Variants in EFNA5 observed in about 807,000 individuals in gnomAD.
The protein encoded by EFNA5 is ephrin-A5.
In EFNA5, 5 loss-of-function variants were observed where a neutral mutation model predicts 22.9. The ratio of observed to expected loss-of-function variants is 0.22; its 90% CI spans 0.11 to 0.46. The LOEUF is 0.46. Among genes scored for constraint, EFNA5 ranks in the 20% least tolerant of loss-of-function variants. The pLI is 0.99. For missense variants in EFNA5, 237 were observed against 293.3 expected (o/e 0.81, Z 1.40); for synonymous variants, 113 against 112.2 (o/e 1.01, Z -0.04).
intron 1 of EFNA5, among the ~76,000 whole-genome samples, chr5:107,666,486 T>C (rs1413688056): frequency 6.6e-6 from 1 of 152,138 alleles, no homozygotes; most frequent in African/African-American, 2.4e-5. Context: ...ATATGAAATG[T>C]TTAATATACA....
intron 2 of EFNA5, among the ~76,000 whole-genome samples, chr5:107,414,677 A>G (rs1201390615): frequency 6.6e-6 from 1 of 152,246 alleles, no homozygotes; most frequent in Non-Finnish European, 1.5e-5. Context: ...GAATACAAAT[A>G]TTTCACAAAA....
In EFNA5 at chr5:107,497,411, G is replaced by A. The variant is rs552557629; in HGVS notation, c.126-69902C>T. On this transcript the variant is annotated intron_variant, in intron 1 of 4. Transcript: ENST00000333274. The stretch of plus-strand genomic sequence containing the variant: ...GAGCCTTATATGGAGAAATAATACT[G>A]GAGAAATAATAGTCATGTAAAGATA... 2.1e-4 allele frequency among the ~76,000 whole-genome samples: 32 copies of A among 152,246 alleles called. 1 individual carries two copies. The highest frequency in any genetic ancestry group is 8.8e-5 in the Non-Finnish European group (6 of 68,022).
chr5:107,499,407 A>T (rs1747081777), intron 1 of EFNA5, among the ~76,000 whole-genome samples: 1 of 152,190 alleles, frequency 6.6e-6, no homozygotes, highest in Admixed American at 6.5e-5. Context: ...ATTGCTTATT[A>T]TTCTATGAGT....
intron 4 of EFNA5, among the ~76,000 whole-genome samples, chr5:107,383,728 C>A (rs1387295698): frequency 6.6e-6 from 1 of 152,180 alleles, no homozygotes; most frequent in Non-Finnish European, 1.5e-5. Flanking sequence ...CCCTTCATCA[C>A]CACCCTAGTC....
chr5:107,494,568 G>A (rs1453159308), intron 1 of EFNA5, among the ~76,000 whole-genome samples: 1 of 152,250 alleles, frequency 6.6e-6, no homozygotes, highest in Non-Finnish European at 1.5e-5. Flanking sequence ...CCACCCAAGG[G>A]CTGAGGAGTG....
intron 1 of EFNA5, among the ~76,000 whole-genome samples, chr5:107,569,979 G>GA (rs1172179661): frequency 6.6e-6 from 1 of 151,698 alleles, no homozygotes; most frequent in African/African-American, 2.4e-5. Context: ...CACTGACAGG[G>GA]AAAAAAAAGT....
intron 1 of EFNA5, among the ~76,000 whole-genome samples, chr5:107,432,039 G>C (rs772016381): frequency 5.3e-5 from 8 of 152,182 alleles, no homozygotes; most frequent in Non-Finnish European, 1.0e-4. Flanking sequence ...ACCCTCTTAA[G>C]AGTTGGGTTA....
intron 1 of EFNA5, among the ~76,000 whole-genome samples, chr5:107,482,814 GTCTCTCTCTCTGTC>G (rs1244109680): frequency 1.4e-5 from 1 of 73,228 alleles, no homozygotes; most frequent in South Asian, 5.5e-4. Flanking sequence ...CTCTCTCTCT[GTCTCTCTCTCTGTC>G]TCTGTCTCTC....
chr5:107,664,851 T>C (rs932576005), intron 1 of EFNA5, among the ~76,000 whole-genome samples: 18 of 152,284 alleles, frequency 1.2e-4, no homozygotes, highest in African/African-American at 3.8e-4. Context: ...AAAAGAAAAT[T>C]GATAATATAG....
intron 1 of EFNA5, among the ~76,000 whole-genome samples, chr5:107,615,059 T>C (rs1460644794): frequency 6.6e-6 from 1 of 152,158 alleles, no homozygotes; most frequent in Admixed American, 6.6e-5. Flanking sequence ...GGTTATCTAC[T>C]AGATTTTCAT....
intron 1 of EFNA5, among the ~76,000 whole-genome samples, chr5:107,458,446 G>A (rs1049658669): frequency 1.6e-4 from 24 of 151,858 alleles, no homozygotes; most frequent in African/African-American, 5.1e-4. Context: ...AGGCTTACCC[G>A]AGTCAAAGTT....
At chr5:107,515,936 T>A (rs777353942) in intron 1 of EFNA5, among the ~76,000 whole-genome samples, 18 of 152,194 alleles carry the variant, frequency 1.2e-4, no homozygotes, top group Admixed American at 3.3e-4. Context: ...CATCATCCAT[T>A]TGTTGAATTA....
rs147416538 is a variant in EFNA5, at chr5:107,505,925, A to C, written c.126-78416T>G. Among the ~76,000 whole-genome samples the C allele has an allele frequency of 3.3e-5, 5 of 152,276 alleles. No individual in the cohort carries two copies. In the East Asian group the frequency reaches 9.6e-4, roughly 29 times the overall value. On this transcript the variant is annotated intron_variant, in intron 1 of 4. Transcript: ENST00000333274. ...ATTTGAGAAAACTGAAGCCTAACTG[A>C]AGTAGCTTGCCCAAGGTGATAGAGC...
At chr5:107,479,214 A>G (rs1487575158) in intron 1 of EFNA5, among the ~76,000 whole-genome samples, 1 of 152,212 alleles carries the variant, frequency 6.6e-6, no homozygotes, top group Non-Finnish European at 1.5e-5. Context: ...TTTTCAATTC[A>G]GAAGTCAAAA....
rs1346473223 is a variant in EFNA5 at position 107,378,530 on chromosome 5, C to G, written c.*2725G>C. On this transcript the variant is annotated 3_prime_UTR_variant, in exon 5 of 5. Coordinates refer to ENST00000333274, the MANE Select transcript of EFNA5 (RefSeq NM_001962.3). The stretch of plus-strand genomic sequence containing the variant: ...ACACCACCACAAAAGGCCACCAACA[C>G]TTTTTAAACAAAGTGAAAACTGTCT... The G allele has an allele frequency of 2.0e-5, 3 of 152,190 alleles. No homozygotes were observed. The highest frequency in any genetic ancestry group is 2.9e-5 in the Non-Finnish European group (2 of 68,034). 9.4% of individuals were successfully genotyped at this position (152,190 alleles called of 1,614,324 possible).
At chr5:107,427,116 A>C in intron 2 of EFNA5, 101 bp downstream of exon 2, 2 of 1,263,468 alleles carry the variant, frequency 1.6e-6, no homozygotes, top group Non-Finnish European at 2.3e-6. Flanking sequence ...AGATATCTGT[A>C]ATGCAGAGTC....
At chr5:107,424,317 C>T (rs1748750883) in intron 2 of EFNA5, among the ~76,000 whole-genome samples, 1 of 149,462 alleles carries the variant, frequency 6.7e-6, no homozygotes, top group Admixed American at 6.7e-5. Flanking sequence ...AGTGATTCTC[C>T]TGCCTCAGCC....
At chr5:107,614,043 G>C (rs1373793092) in intron 1 of EFNA5, among the ~76,000 whole-genome samples, 4 of 152,100 alleles carry the variant, frequency 2.6e-5, no homozygotes, top group African/African-American at 7.2e-5. Flanking sequence ...CCTAGAACCT[G>C]TTCCTACTCA....
chr5:107,489,956 GC>G (rs1746757069), intron 1 of EFNA5, among the ~76,000 whole-genome samples: 1 of 152,094 alleles, frequency 6.6e-6, no homozygotes, highest in Admixed American at 6.5e-5. Flanking sequence ...CAACACTTTA[GC>G]CCAGAAGATC....
Sources: gnomAD v4.1 joint callset for allele counts (sites outside exome capture counted in the v4.1 genomes callset) on GRCh38, gnomAD v4.1.1 for gene constraint, MANE v1.5 for transcripts, NCBI Gene and HGNC (gene_info 2026-07-23, HGNC 2026-07-21) for gene names.